Variants in TENT2 observed in about 807,000 individuals in gnomAD.
TENT2 encodes the protein poly(A) RNA polymerase GLD2.
Under a neutral mutation model 72.2 loss-of-function variants are expected in TENT2, and 44 were observed. The observed-to-expected ratio is 0.61, with a 90% CI of 0.48 to 0.78. The LOEUF is 0.78. TENT2 is among the 30% of genes least tolerant of loss of function. The pLI is 0.00. For missense variants in TENT2, 541 were observed against 569.6 expected, an observed-to-expected ratio of 0.95 and a Z score of 0.51; for synonymous variants, 212 against 192.5, an observed-to-expected ratio of 1.10 and a Z score of -0.84.
chr5:79,682,097 G>C (rs1184162692), intron 14 of TENT2, 36 bp downstream of exon 14: 18 of 1,480,528 alleles, frequency 1.2e-5, no homozygotes, highest in African/African-American at 2.8e-5. Context: ...AGAAACATTA[G>C]TAGACTAGTA....
intron 11 of TENT2, among the ~76,000 whole-genome samples, chr5:79,663,505 A>T (rs1804687531): frequency 6.6e-6 from 1 of 152,154 alleles, no homozygotes; most frequent in Admixed American, 6.5e-5. Context: ...GCCTAATTTC[A>T]GTATTGTTGC....
At chr5:79,668,771 T>C (rs762675261) in intron 11 of TENT2, 121 bp from the exon 12 acceptor site, 1 of 1,210,824 alleles carries the variant, frequency 8.3e-7, no homozygotes, top group South Asian at 1.8e-5. Flanking sequence ...GGTTTCCAAA[T>C]TGCCAAATAG....
At chr5:79,651,878 T>C (rs2150195367) in intron 10 of TENT2, among the ~76,000 whole-genome samples, 1 of 152,210 alleles carries the variant, frequency 6.6e-6, no homozygotes, top group Non-Finnish European at 1.5e-5. Context: ...ACTCCTAGGG[T>C]GAAATTGGCA....
chr5:79,641,686 C>G (rs558780540), intron 6 of TENT2, among the ~76,000 whole-genome samples: 41 of 149,764 alleles, frequency 2.7e-4, no homozygotes, highest in African/African-American at 9.4e-4. Context: ...ATATTTTTCT[C>G]TATGAATGAC....
chr5:79,683,313 T>TCACA (rs111701863), intron 14 of TENT2, among the ~76,000 whole-genome samples: 2,342 of 145,714 alleles, frequency 0.016, 38 homozygotes, highest in African/African-American at 0.052. Flanking sequence ...ACGCACATGC[T>TCACA]CACACACACA....
chr5:79,624,405 C>A (rs1438641624), intron 4 of TENT2, among the ~76,000 whole-genome samples: 7 of 152,088 alleles, frequency 4.6e-5, no homozygotes, highest in Admixed American at 2.0e-4. Flanking sequence ...CTCTATTATT[C>A]TTTTGTTCTT....
At chr5:79,648,938 A>G in intron 9 of TENT2, 124 bp from the exon 10 acceptor site, 1 of 1,110,644 alleles carries the variant, frequency 9.0e-7, no homozygotes, top group South Asian at 1.6e-5. Context: ...CAAAGTGAAC[A>G]GACACAGTGT....
intron 11 of TENT2, among the ~76,000 whole-genome samples, chr5:79,659,531 C>CCAAAA (rs1800562051): frequency 2.2e-4 from 2 of 8,978 alleles, no homozygotes; most frequent in Admixed American, 2.2e-3. Flanking sequence ...GACTCTGTCT[C>CCAAAA]AAAAAAAAAA....
Position 79,641,706 on chromosome 5 carries a change from TTG to T in TENT2, c.672+512_672+513del, listed in dbSNP as rs200522960. Among the ~76,000 whole-genome samples, 50 of 141,956 alleles carry T rather than the reference TTG, an allele frequency of 3.5e-4. 1 individual carries two copies. The highest frequency in any genetic ancestry group is 1.1e-3 in the African/African-American group (36 of 33,938). The allele number at this position is 141,956 out of a possible 152,430, so 93.1% of individuals were successfully genotyped here. On this transcript the variant is annotated intron_variant, in intron 6 of 14. Transcript: ENST00000453514. ...TTTCTCTATGAATGACATTTTGCCT[TTG>T]TTTTTTTTTCTTTTTCTTTAGCAAC...
chr5:79,681,760 G>A, intron 13 of TENT2: 1 of 381,568 alleles, frequency 2.6e-6, no homozygotes, highest in Non-Finnish European at 4.8e-6. Context: ...TTTCATTTTT[G>A]ATCACCCTCT....
intron 10 of TENT2, among the ~76,000 whole-genome samples, chr5:79,652,968 A>C (rs1321269249): frequency 6.6e-6 from 1 of 151,934 alleles, no homozygotes; most frequent in Admixed American, 6.6e-5. Context: ...TATATATATA[A>C]AATATAAAAA....
rs575383374 is a variant in TENT2 at position 79,618,331 on chromosome 5, A to G, written c.-37-1281A>G. Reference sequence around the variant, plus strand: ...AGCCTTGACCTCCTGGACTCAAGCAATCCTCCCACCTCAGCCTCCTGTGTA... The same window carrying G: ...AGCCTTGACCTCCTGGACTCAAGCAGTCCTCCCACCTCAGCCTCCTGTGTA... On this transcript the variant is annotated intron_variant, in intron 1 of 14. Transcript: ENST00000453514. Among the ~76,000 whole-genome samples, 6 of 152,122 alleles carry G rather than the reference A, an allele frequency of 3.9e-5. No homozygotes were observed. In the South Asian group the frequency reaches 1.2e-3, roughly 32 times the overall value.
chr5:79,630,923 G>A (rs999212084), intron 4 of TENT2, among the ~76,000 whole-genome samples: 3 of 151,546 alleles, frequency 2.0e-5, no homozygotes, highest in East Asian at 3.9e-4. Flanking sequence ...TAGGGAAGTT[G>A]TACTGTAGTA....
At chr5:79,671,934 T>C (rs532841216) in intron 12 of TENT2, among the ~76,000 whole-genome samples, 1 of 151,914 alleles carries the variant, frequency 6.6e-6, no homozygotes, top group East Asian at 2.0e-4. Context: ...AAAACCCCCT[T>C]TCTACTAAAA....
intron 10 of TENT2, among the ~76,000 whole-genome samples, chr5:79,650,994 CGTA>C (rs1020244929): frequency 2.0e-5 from 3 of 151,798 alleles, no homozygotes; most frequent in Non-Finnish European, 1.5e-5. Context: ...ATACTTAAAA[CGTA>C]GTGATATTAA....
chr5:79,682,438 C>T (rs1469916899), intron 14 of TENT2, among the ~76,000 whole-genome samples: 5 of 151,654 alleles, frequency 3.3e-5, no homozygotes, highest in Admixed American at 3.3e-4. Context: ...TGCCACCACA[C>T]CCAGCTAATT....
rs183005367 is a variant in TENT2 at position 79,673,431 on chromosome 5, A to C, written c.1208+4403A>C. Among the ~76,000 whole-genome samples, 7 of 152,190 alleles carry C rather than the reference A, an allele frequency of 4.6e-5. No individual in the cohort carries two copies. In the East Asian group the frequency reaches 1.2e-3, roughly 25 times the overall value. On this transcript the variant is annotated intron_variant, in intron 12 of 14. Transcript: ENST00000453514. Reference sequence around the variant, plus strand: ...TGGTGGTTTCATAATTTGAGGTCTTAGATTGAATTCTTCAATCAATTTTGG... The same window carrying C: ...TGGTGGTTTCATAATTTGAGGTCTTCGATTGAATTCTTCAATCAATTTTGG...
chr5:79,639,103 T>C (rs749370140), intron 4 of TENT2, among the ~76,000 whole-genome samples: 44 of 152,092 alleles, frequency 2.9e-4, no homozygotes, highest in East Asian at 1.5e-3. Context: ...TACAAAATTA[T>C]TGGTAGAGAG....
intron 12 of TENT2, among the ~76,000 whole-genome samples, chr5:79,674,985 G>A (rs1352887004): frequency 6.6e-6 from 1 of 152,132 alleles, no homozygotes; most frequent in African/African-American, 2.4e-5. Context: ...AACAGTTTCT[G>A]TGGAATAATG....
Sources: gnomAD v4.1 joint callset for allele counts (sites outside exome capture counted in the v4.1 genomes callset) on GRCh38, gnomAD v4.1.1 for gene constraint, MANE v1.5 for transcripts, NCBI Gene and HGNC (gene_info 2026-07-23, HGNC 2026-07-21) for gene names.